Variants in CSMD1 observed in about 807,000 individuals in gnomAD.
CSMD1 encodes the protein CUB and sushi domain-containing protein 1.
CSMD1 carries 213 observed loss-of-function variants against 417.5 expected under a neutral mutation model. That is an observed-to-expected ratio of 0.51 (90% CI 0.46 to 0.57). The LOEUF (loss-of-function observed/expected upper bound fraction) is 0.57. CSMD1 is among the 20% of genes least tolerant of loss of function. The pLI is 0.00. For missense variants in CSMD1, 6,923 were observed against 4,529.7 expected (o/e 1.53, Z -15.17); for synonymous variants, 2,862 against 1,736.8 (o/e 1.65, Z -16.11).
At chr8:4,113,567 G>A (rs534581130) in intron 3 of CSMD1, among the ~76,000 whole-genome samples, 1 of 152,090 alleles carries the variant, frequency 6.6e-6, no homozygotes, top group South Asian at 2.1e-4. Context: ...AGCACACCTG[G>A]CTAATTTTCT....
rs373635802 is a variant in CSMD1 at position 3,471,961 on chromosome 8, G to A, written c.1449-3137C>T. On this transcript the variant is annotated intron_variant, in intron 11 of 69. Transcript: ENST00000635120. ...GGAGAGTGTTTTCCCTTCTCCCTTT[G>A]GGATTACAGGTGATGTCAGCACCCT... Among the ~76,000 whole-genome samples the A allele has an allele frequency of 8.2e-4, 125 of 152,132 alleles. No individual in the cohort carries two copies. In the South Asian group the frequency reaches 0.016, roughly 19 times the overall value.
chr8:3,320,922 C>T (rs779433325), intron 23 of CSMD1, among the ~76,000 whole-genome samples: 1 of 152,310 alleles, frequency 6.6e-6, no homozygotes, highest in East Asian at 1.9e-4. Context: ...GTAAAGCGTT[C>T]AGTAGCAAAA....
chr8:3,307,876 A>C lies in CSMD1; in HGVS notation c.3824-55T>G, dbSNP rs1038972092. 2.1e-5 allele frequency: 33 copies of C among 1,575,694 alleles called. No individual in the cohort carries two copies. In the East Asian group the frequency reaches 6.8e-4, roughly 32 times the overall value. The stretch of plus-strand genomic sequence containing the variant: ...TCAGCTTCAGGCATCACATGTTTCT[A>C]TTTAGCTACTTTTCAAAACCAAAGC... On this transcript the variant is annotated intron_variant, in intron 24 of 69. Coordinates refer to ENST00000635120, the MANE Select transcript of CSMD1 (RefSeq NM_033225.6).
chr8:3,796,277 C>G (rs1383333144), intron 5 of CSMD1, among the ~76,000 whole-genome samples: 2 of 71,558 alleles, frequency 2.8e-5, no homozygotes, highest in Non-Finnish European at 6.2e-5. Flanking sequence ...AGATATATAT[C>G]TATCATGTAT....
chr8:3,978,381 A>G (rs1363589261), intron 5 of CSMD1, among the ~76,000 whole-genome samples: 1 of 152,188 alleles, frequency 6.6e-6, no homozygotes, highest in Non-Finnish European at 1.5e-5. Flanking sequence ...TTTATCAAAT[A>G]TTCATAATTC....
chr8:4,187,856 T>A (rs538928222), intron 3 of CSMD1, among the ~76,000 whole-genome samples: 3 of 152,170 alleles, frequency 2.0e-5, no homozygotes, highest in African/African-American at 7.2e-5. Context: ...TCATAGGCAG[T>A]TTTATACTTT....
At chr8:4,781,979 C>T (rs1797172381) in intron 1 of CSMD1, among the ~76,000 whole-genome samples, 1 of 152,194 alleles carries the variant, frequency 6.6e-6, no homozygotes, top group East Asian at 1.9e-4. Context: ...ACTCTGACTT[C>T]ATTTCTCCAG....
chr8:3,709,756 G>A (rs1185200757), intron 6 of CSMD1, among the ~76,000 whole-genome samples: 1 of 130,184 alleles, frequency 7.7e-6, no homozygotes, highest in Non-Finnish European at 1.6e-5. Flanking sequence ...GGCTTTCCTG[G>A]TCTCCAACTT....
chr8:3,974,501 T>A (rs1813293720), intron 5 of CSMD1, among the ~76,000 whole-genome samples: 1 of 152,092 alleles, frequency 6.6e-6, no homozygotes, highest in South Asian at 2.1e-4. Flanking sequence ...AAGTATTTAT[T>A]TTTAAAAATA....
intron 5 of CSMD1, among the ~76,000 whole-genome samples, chr8:3,817,546 A>G (rs1471823567): frequency 6.6e-6 from 1 of 151,906 alleles, no homozygotes; most frequent in Non-Finnish European, 1.5e-5. Flanking sequence ...CCCAAAGCGC[A>G]GGGATTGCAG....
At chr8:4,595,387 C>CTTTTTTTTTTTTTTTTTTTTTTTTTTTTT in intron 2 of CSMD1, among the ~76,000 whole-genome samples, 71 of 147,240 alleles carry the variant, frequency 4.8e-4, no homozygotes, top group Admixed American at 5.5e-4. Flanking sequence ...CATTCATTTT[C>CTTTTTTTTTTTTTTTTTTTTTTTTTTTTT]ATTCCATCCA....
In CSMD1 at chr8:3,384,725, TTA is replaced by T. The variant is rs1207634727; in HGVS notation, c.2782+2767_2782+2768del. 6.7e-5 allele frequency among the ~76,000 whole-genome samples: 5 copies of T among 74,338 alleles called. No individual in the cohort carries two copies. The South Asian group carries it at 9.6e-4, about 14-fold the overall frequency. 48.8% of individuals were successfully genotyped at this position (74,338 alleles called of 152,430 possible). A position where few individuals can be genotyped will look rare whatever the true frequency, so the allele number is the denominator to read the frequency against. ...TTATATATAAATATATTTATAATAT[TTA>T]TATATATTATATAAATATATATTTA... On this transcript the variant is annotated intron_variant, in intron 18 of 69. Coordinates refer to ENST00000635120, the MANE Select transcript of CSMD1 (RefSeq NM_033225.6).
chr8:4,989,659 C>A (rs1811361620), intron 1 of CSMD1, among the ~76,000 whole-genome samples: 1 of 152,190 alleles, frequency 6.6e-6, no homozygotes, highest in South Asian at 2.1e-4. Context: ...ATGTATGCAA[C>A]TTGTAATGGC....
intron 1 of CSMD1, among the ~76,000 whole-genome samples, chr8:4,974,159 G>A (rs1014953580): frequency 6.6e-6 from 1 of 151,316 alleles, no homozygotes; most frequent in African/African-American, 2.4e-5. Flanking sequence ...TGAGATTACA[G>A]GCACATGCCA....
chr8:4,340,076 G>GT (rs1274843763), intron 3 of CSMD1, among the ~76,000 whole-genome samples: 1 of 152,040 alleles, frequency 6.6e-6, no homozygotes, highest in African/African-American at 2.4e-5. Context: ...CTCTGGTAAC[G>GT]TAAGTATTAG....
chr8:4,523,254 T>C (rs149195815), intron 2 of CSMD1, among the ~76,000 whole-genome samples: 4 of 152,300 alleles, frequency 2.6e-5, no homozygotes, highest in Admixed American at 6.5e-5. Context: ...CAAACATAGA[T>C]TGACCCTCAA....
In CSMD1 at chr8:3,675,849, T is replaced by G. The variant is rs370295442; in HGVS notation, c.1009+32565A>C. On this transcript the variant is annotated intron_variant, in intron 7 of 69. Coordinates refer to ENST00000635120, the MANE Select transcript of CSMD1 (RefSeq NM_033225.6). Reference sequence around the variant, plus strand: ...CTAAGCTGGTGGCATTTCCACCTTATGCAAATTTTCTAGACTAACGCTACT... The same window carrying G: ...CTAAGCTGGTGGCATTTCCACCTTAGGCAAATTTTCTAGACTAACGCTACT... Among the ~76,000 whole-genome samples, 18 of 152,316 alleles carry G rather than the reference T, an allele frequency of 1.2e-4. No individual in the cohort carries two copies. In the East Asian group the frequency reaches 1.7e-3, roughly 15 times the overall value.
chr8:2,944,079 A>AT (rs1441116827), intron 68 of CSMD1, among the ~76,000 whole-genome samples: 3 of 152,184 alleles, frequency 2.0e-5, no homozygotes, highest in African/African-American at 7.2e-5. Flanking sequence ...ATAGGAACAT[A>AT]TTTTGGAGCA....
At chr8:3,828,481 C>A (rs1326223333) in intron 5 of CSMD1, among the ~76,000 whole-genome samples, 1 of 152,172 alleles carries the variant, frequency 6.6e-6, no homozygotes, top group African/African-American at 2.4e-5. Context: ...CAGAAAATCA[C>A]TTGATCTTTA....
Sources: gnomAD v4.1 joint callset for allele counts (sites outside exome capture counted in the v4.1 genomes callset) on GRCh38, gnomAD v4.1.1 for gene constraint, MANE v1.5 for transcripts, NCBI Gene and HGNC (gene_info 2026-07-23, HGNC 2026-07-21) for gene names.